The following TGFB2 variants were observed in gnomAD, a reference collection of about 807,000 sequenced individuals.
The protein encoded by TGFB2 is transforming growth factor beta 2, also known as transforming growth factor beta-2 proprotein.
A neutral mutation model predicts 42.7 loss-of-function variants in TGFB2; 13 were observed. The observed-to-expected ratio is 0.30, with a 90% CI of 0.20 to 0.48. The LOEUF (loss-of-function observed/expected upper bound fraction) is 0.48. Ranked by LOEUF, TGFB2 falls within the 20% of genes least tolerant of loss-of-function variation. TGFB2 has a pLI of 0.99. For synonymous variants in TGFB2, 193 were observed against 193.6 expected, an observed-to-expected ratio of 1.00 and a Z score of 0.03; for missense variants, 390 against 517.5, an observed-to-expected ratio of 0.75 and a Z score of 2.39.
intron 1 of TGFB2, among the ~76,000 whole-genome samples, chr1:218,368,918 C>T (rs764705718): frequency 3.9e-5 from 6 of 152,020 alleles, no homozygotes; most frequent in East Asian, 1.9e-4. Flanking sequence ...CTGACTAAAA[C>T]GGAGAGAAGA....
At chr1:218,425,463 T>A (rs1358833243) in intron 2 of TGFB2, among the ~76,000 whole-genome samples, 1 of 152,072 alleles carries the variant, frequency 6.6e-6, no homozygotes, top group East Asian at 1.9e-4. Flanking sequence ...CACCTCAGCC[T>A]CCCAAAGTGC....
At chr1:218,353,552 G>T (rs539259093) in intron 1 of TGFB2, among the ~76,000 whole-genome samples, 53 of 152,300 alleles carry the variant, frequency 3.5e-4, no homozygotes, top group Admixed American at 9.8e-4. Context: ...TGCCTCTGGG[G>T]TCTTTGTTTA....
chr1:218,396,357 G>A (rs1268066771), intron 1 of TGFB2, among the ~76,000 whole-genome samples: 1 of 152,130 alleles, frequency 6.6e-6, no homozygotes, highest in African/African-American at 2.4e-5. Context: ...TCGGTGGAGA[G>A]CATGATGTAA....
chr1:218,363,345 G>A, intron 1 of TGFB2: 1 of 1,613,970 alleles, frequency 6.2e-7, no homozygotes, highest in Non-Finnish European at 8.5e-7. Flanking sequence ...TGTCTGCCCA[G>A]TTGTTACAAC....
chr1:218,375,675 G>A (rs899986203), intron 1 of TGFB2, among the ~76,000 whole-genome samples: 2 of 152,088 alleles, frequency 1.3e-5, no homozygotes, highest in Non-Finnish European at 2.9e-5. Context: ...TGAGAACAGC[G>A]AGTGCTTTTT....
chr1:218,378,657 T>C (rs1314682493), intron 1 of TGFB2, among the ~76,000 whole-genome samples: 1 of 151,818 alleles, frequency 6.6e-6, no homozygotes, highest in Non-Finnish European at 1.5e-5. Context: ...TGCCACCCAG[T>C]CTGGGGTGCA....
At chr1:218,439,073 A>C (rs991238088) in intron 6 of TGFB2, among the ~76,000 whole-genome samples, 3 of 147,560 alleles carry the variant, frequency 2.0e-5, no homozygotes, top group Non-Finnish European at 4.4e-5. Flanking sequence ...GCACCACTGC[A>C]CTCCAGCCTG....
At chr1:218,427,364 T>C (rs1659657964) in intron 2 of TGFB2, among the ~76,000 whole-genome samples, 2 of 152,190 alleles carry the variant, frequency 1.3e-5, no homozygotes, top group African/African-American at 4.8e-5. Context: ...CTTTAAGTTC[T>C]AGGGTACATG....
intron 1 of TGFB2, among the ~76,000 whole-genome samples, chr1:218,375,414 T>A (rs1657708295): frequency 6.7e-6 from 1 of 149,558 alleles, no homozygotes; most frequent in Non-Finnish European, 1.5e-5. Context: ...GAACTTTTTT[T>A]TTTTTCCTAA....
chr1:218,428,577 A>G (rs1571895983), intron 2 of TGFB2, among the ~76,000 whole-genome samples: 1 of 152,156 alleles, frequency 6.6e-6, no homozygotes, highest in Admixed American at 6.5e-5. Context: ...TCCCAGCACC[A>G]TTTATTAAAT....
At chr1:218,366,886 T>G in intron 1 of TGFB2, among the ~76,000 whole-genome samples, 1 of 152,238 alleles carries the variant, frequency 6.6e-6, no homozygotes, top group East Asian at 1.9e-4. Flanking sequence ...GATCAGCTGG[T>G]CCTTCAAGTG....
intron 1 of TGFB2, among the ~76,000 whole-genome samples, chr1:218,368,378 C>T (rs968080853): frequency 6.6e-6 from 1 of 151,848 alleles, no homozygotes; most frequent in African/African-American, 2.4e-5. Flanking sequence ...CTCAGGTGAT[C>T]CACCCACCTT....
At chr1:218,360,509 G>A (rs917471215) in intron 1 of TGFB2, among the ~76,000 whole-genome samples, 1 of 152,140 alleles carries the variant, frequency 6.6e-6, no homozygotes, top group Non-Finnish European at 1.5e-5. Flanking sequence ...ACTGGGGTCT[G>A]TCAGTGGGGA....
chr1:218,360,965 C>A (rs1657189531), intron 1 of TGFB2, among the ~76,000 whole-genome samples: 1 of 152,214 alleles, frequency 6.6e-6, no homozygotes, highest in Admixed American at 6.5e-5. Flanking sequence ...AGCGATTCTT[C>A]TACCTTAGTC....
chr1:218,362,996 T>A (rs191937062), intron 1 of TGFB2, among the ~76,000 whole-genome samples: 241 of 152,338 alleles, frequency 1.6e-3, no homozygotes, highest in Non-Finnish European at 2.8e-3. Flanking sequence ...GTCAAAGCCT[T>A]TCTTATTCAT....
chr1:218,369,256 GAAAAAAAAAAAAAAAAA>G (rs34825461), intron 1 of TGFB2, among the ~76,000 whole-genome samples: 91 of 35,658 alleles, frequency 2.6e-3, no homozygotes, highest in African/African-American at 5.2e-3. Flanking sequence ...TTCCGTCTCA[GAAAAAAAAAAAAAAAAA>G]AAAAAAAAAA....
intron 1 of TGFB2, among the ~76,000 whole-genome samples, chr1:218,374,106 C>T (rs1489370300): frequency 6.6e-6 from 1 of 152,130 alleles, no homozygotes; most frequent in African/African-American, 2.4e-5. Context: ...ATATAAACTC[C>T]AGTGTTTTCA....
chr1:218,415,684 G>T, intron 2 of TGFB2, among the ~76,000 whole-genome samples: 1 of 111,028 alleles, frequency 9.0e-6, no homozygotes, highest in South Asian at 3.5e-4. Context: ...GACAGAGCGA[G>T]ACTCTGTCTC....
At chr1:218,419,295 G>T (rs1240201196) in intron 2 of TGFB2, among the ~76,000 whole-genome samples, 1 of 152,054 alleles carries the variant, frequency 6.6e-6, no homozygotes, top group Non-Finnish European at 1.5e-5. Context: ...TCCACCCACA[G>T]TGCTTTTCCC....
Sources: allele counts gnomAD v4.1 joint callset (sites outside exome capture counted in the v4.1 genomes callset), GRCh38; gene constraint gnomAD v4.1.1; transcripts MANE v1.5; gene names NCBI Gene and HGNC (gene_info 2026-07-23, HGNC 2026-07-21).